The following DROSHA variants were observed in gnomAD, a reference collection of about 807,000 sequenced individuals.
DROSHA encodes the protein ribonuclease 3.
DROSHA carries 56 observed loss-of-function variants against 181.9 expected under a neutral mutation model. The observed-to-expected ratio is 0.31, with a 90% CI of 0.25 to 0.38. DROSHA has a LOEUF of 0.38. Ranked by LOEUF, DROSHA falls within the 10% of genes least tolerant of loss-of-function variation. DROSHA has a pLI of 1.00. For synonymous variants in DROSHA, 524 were observed against 591.2 expected (o/e 0.89, Z 1.65); for missense variants, 1,218 against 1,743.5 (o/e 0.70, Z 5.37).
chr5:31,448,411 CA>C, intron 23 of DROSHA, 135 bp downstream of exon 23: 1 of 717,304 alleles, frequency 1.4e-6, no homozygotes, highest in Non-Finnish European at 2.3e-6. Flanking sequence ...GTCAATGTTG[CA>C]AAATTAGATG....
In DROSHA at chr5:31,526,838, G is replaced by T. The variant is rs202053700; in HGVS notation, c.95C>A (p.Pro32Gln). Residue 32 changes from proline (P) to glutamine (Q), a missense_variant, in exon 5 of 36, where the codon CCA becomes CAA. By Grantham distance (76) the Pro-to-Gln change is moderately conservative (BLOSUM62 -1). This residue lies in a region of DROSHA where 536 missense variants were observed against 535.4 expected (regional missense o/e 1.00). Transcript: ENST00000344624. The part of the protein sequence containing the change: ...RGGHGARPSA[P>Q]SFRPQNLRLL... ...CCTCAGATTTTGGGGCCTAAAGGAT[G>T]GTGCTGAGGGTCTGGCTCCATGTCC... 3.2e-5 allele frequency: 52 copies of T among 1,613,258 alleles called. No homozygotes were observed. Among genetic ancestry groups the T allele is most frequent in the Non-Finnish European group, 4.2e-5 (50 of 1,179,828 alleles).
intron 10 of DROSHA, among the ~76,000 whole-genome samples, chr5:31,506,041 T>TA (rs1737895161): frequency 6.6e-6 from 1 of 152,084 alleles, no homozygotes; most frequent in South Asian, 2.1e-4. Context: ...AGCTGGCAAA[T>TA]AAGAGACGTA....
At chr5:31,523,894 GA>G (rs1354735669) in intron 5 of DROSHA, among the ~76,000 whole-genome samples, 1 of 146,368 alleles carries the variant, frequency 6.8e-6, no homozygotes, top group African/African-American at 2.5e-5. Flanking sequence ...AGAATCGCTT[GA>G]ACCCGGGAGG....
chr5:31,521,273 CT>C, intron 5 of DROSHA, 58 bp from the exon 6 acceptor site: 5 of 1,566,340 alleles, frequency 3.2e-6, no homozygotes, highest in Non-Finnish European at 3.5e-6. Context: ...AACACCATCT[CT>C]TTTCACTGAA....
At chr5:31,501,238 A>C (rs1753540702) in intron 11 of DROSHA, among the ~76,000 whole-genome samples, 1 of 152,142 alleles carries the variant, frequency 6.6e-6, no homozygotes, top group African/African-American at 2.4e-5. Context: ...GTGGTGCCCC[A>C]GTTAGAGTAG....
chr5:31,526,897 G>C lies in DROSHA; in HGVS notation c.36C>G (p.Phe12Leu). 1 of 1,612,674 alleles carries C rather than the reference G, an allele frequency of 6.2e-7. No individual in the cohort carries two copies. Among genetic ancestry groups the C allele is most frequent in the Non-Finnish European group, 8.5e-7 (1 of 1,179,716 alleles). Reference protein sequence around the residue: ...MQGNTCHRMSFHPGRGCPRGR... With the variant: ...MQGNTCHRMSLHPGRGCPRGR... ...CTCGGGGACACCCTCGTCCCGGGTG[G>C]AACGACATTCTGTGACTTCATGGCA... Residue 12 changes from phenylalanine (F) to leucine (L), a missense_variant, in exon 5 of 36, where the codon TTC becomes TTG. Physicochemically the swap from Phe to Leu is conservative, Grantham distance 22 (BLOSUM62 0). Coordinates refer to ENST00000344624, the MANE Select transcript of DROSHA (RefSeq NM_001382508.1).
chr5:31,480,178 GTATATATATATATATA>G (rs55828936), intron 16 of DROSHA, among the ~76,000 whole-genome samples: 14 of 84,896 alleles, frequency 1.6e-4, no homozygotes, highest in South Asian at 4.7e-4. Context: ...GGCAATGTCA[GTATATATATATATATA>G]TATATATATA....
At chr5:31,513,709 A>G (rs1255537689) in intron 8 of DROSHA, among the ~76,000 whole-genome samples, 2 of 152,130 alleles carry the variant, frequency 1.3e-5, no homozygotes, top group Admixed American at 1.3e-4. Flanking sequence ...ATTCCAAATA[A>G]CACAACTCTC....
chr5:31,475,193 T>G (rs1750225364), intron 16 of DROSHA, among the ~76,000 whole-genome samples: 2 of 152,022 alleles, frequency 1.3e-5, no homozygotes, highest in Non-Finnish European at 2.9e-5. Flanking sequence ...TGGTACACAC[T>G]GGTGGTCCCA....
At chr5:31,462,726 G>A (rs1204749768) in intron 20 of DROSHA, among the ~76,000 whole-genome samples, 4 of 151,570 alleles carry the variant, frequency 2.6e-5, no homozygotes, top group African/African-American at 9.7e-5. Flanking sequence ...GGAGGTGGGG[G>A]AGAAATCAAG....
In DROSHA at chr5:31,431,366, C is replaced by CAAAAAAAAAAAAAAA; in HGVS notation, c.3145+195_3145+209dup. ...AGACACCAATTCAGGCAGTAGAATGCAAAAAAAAAAAAAAAAAAAAAAAGA... is the reference window on the plus strand; with the variant it reads ...AGACACCAATTCAGGCAGTAGAATGCAAAAAAAAAAAAAAAAAAAAAAAAAAAAAAAAAAAAAAGA... On this transcript the variant is annotated intron_variant, in intron 26 of 35. Transcript: ENST00000344624. Among the ~76,000 whole-genome samples the CAAAAAAAAAAAAAAA allele has an allele frequency of 3.5e-5, 2 of 57,664 alleles. 1 individual carries two copies. Among genetic ancestry groups the CAAAAAAAAAAAAAAA allele is most frequent in the Non-Finnish European group, 6.3e-5 (2 of 31,524 alleles). 37.8% of individuals were successfully genotyped at this position (57,664 alleles called of 152,430 possible). A position where few individuals can be genotyped will look rare whatever the true frequency, so the allele number is the denominator to read the frequency against.
intron 35 of DROSHA, among the ~76,000 whole-genome samples, chr5:31,402,709 G>C (rs1740163712): frequency 6.6e-6 from 1 of 152,130 alleles, no homozygotes; most frequent in Non-Finnish European, 1.5e-5. Context: ...GGTTGAAGAA[G>C]GGACAGGGTG....
In DROSHA at chr5:31,515,075, C is replaced by T. The variant is rs1739124899; in HGVS notation, c.1203G>A (p.Glu401=). The T allele has an allele frequency of 3.1e-6, 5 of 1,613,810 alleles. No homozygotes were observed. In the Admixed American group the frequency reaches 5.0e-5, roughly 16 times the overall value. Residue 401 remains glutamate, a synonymous_variant, in exon 8 of 36, where the codon GAG becomes GAA. Coordinates refer to ENST00000344624, the MANE Select transcript of DROSHA (RefSeq NM_001382508.1). ...EPEETMPDKN[E]EEEEELLKPV... ...GCTTAAGAAGTTCTTCTTCTTCCTC[C>T]TCATTCTTGTCAGGCATGGTCTCCT...
At chr5:31,401,634 TA>T in intron 35 of DROSHA, 72 bp from the exon 36 acceptor site, 2 of 1,034,696 alleles carry the variant, frequency 1.9e-6, no homozygotes. Flanking sequence ...ATAATGCAAC[TA>T]AACATATACA....
In DROSHA at chr5:31,529,021, T is replaced by C. The variant is rs370599008; in HGVS notation, c.20+19A>G. 13 of 1,612,812 alleles carry C rather than the reference T, an allele frequency of 8.1e-6. No homozygotes were observed. In the African/African-American group the frequency reaches 1.5e-4, roughly 18 times the overall value. On this transcript the variant is annotated intron_variant, in intron 4 of 35. Transcript: ENST00000344624. The stretch of plus-strand genomic sequence containing the variant: ...TCTCGGTTCTCCCAAACTATTGCCA[T>C]TCCCATCACGGCACTCACCATGTGT...
In DROSHA at chr5:31,526,804, G is replaced by C. The variant is rs766308154; in HGVS notation, c.129C>G (p.His43Gln). ...GATATTGCACAGGAGGCTGCTGAGGGTGAAGCAGCCTCAGATTTTGGGGCC... is the reference window on the plus strand; with the variant it reads ...GATATTGCACAGGAGGCTGCTGAGGCTGAAGCAGCCTCAGATTTTGGGGCC... Reference protein sequence around the residue: ...SFRPQNLRLLHPQQPPVQYQY... With the variant: ...SFRPQNLRLLQPQQPPVQYQY... The change falls in exon 5 of 36, where the codon CAC becomes CAG. Residue 43 changes from histidine to glutamine, a missense_variant. His to Gln is a conservative substitution (Grantham distance 24, BLOSUM62 0). Coordinates refer to ENST00000344624, the MANE Select transcript of DROSHA (RefSeq NM_001382508.1). 8.1e-6 allele frequency: 13 copies of C among 1,611,874 alleles called. 1 individual carries two copies. The highest frequency in any genetic ancestry group is 3.4e-4 in the Middle Eastern group (2 of 5,896).
At chr5:31,487,589 A>C (rs1253389925) in intron 13 of DROSHA, among the ~76,000 whole-genome samples, 1 of 152,242 alleles carries the variant, frequency 6.6e-6, no homozygotes, top group Admixed American at 6.5e-5. Flanking sequence ...TGTCCATAAG[A>C]TGATTTTATA....
intron 16 of DROSHA, among the ~76,000 whole-genome samples, chr5:31,474,159 T>C (rs1750086437): frequency 6.6e-6 from 1 of 152,188 alleles, no homozygotes; most frequent in African/African-American, 2.4e-5. Context: ...AAAATAATAA[T>C]GATTGTCCAA....
intron 35 of DROSHA, among the ~76,000 whole-genome samples, chr5:31,403,628 G>A (rs1015186492): frequency 6.6e-6 from 1 of 152,110 alleles, no homozygotes; most frequent in Non-Finnish European, 1.5e-5. Context: ...CTATCCACAG[G>A]CCAAATACAG....
Sources: allele counts gnomAD v4.1 joint callset (sites outside exome capture counted in the v4.1 genomes callset), GRCh38; gene constraint gnomAD v4.1.1; regional missense constraint gnomAD v4.1.1; transcripts MANE v1.5; gene names NCBI Gene and HGNC (gene_info 2026-07-23, HGNC 2026-07-21).